Variants in MYO1D observed in about 807,000 individuals in gnomAD.
MYO1D encodes myosin ID.
A neutral mutation model predicts 122.0 loss-of-function variants in MYO1D; 83 were observed. The ratio of observed to expected loss-of-function variants is 0.68; its 90% confidence interval spans 0.57 to 0.82. The LOEUF (loss-of-function observed/expected upper bound fraction) is 0.82. MYO1D is among the 40% of genes least tolerant of loss of function. MYO1D has a pLI of 0.00. For synonymous variants in MYO1D, 464 were observed against 446.9 expected, an observed-to-expected ratio of 1.04 and a Z score of -0.48; for missense variants, 1,157 against 1,269.5, an observed-to-expected ratio of 0.91 and a Z score of 1.35.
chr17:32,749,907 A>C (rs2151009912), intron 11 of MYO1D, among the ~76,000 whole-genome samples: 1 of 152,340 alleles, frequency 6.6e-6, no homozygotes, highest in Non-Finnish European at 1.5e-5. Flanking sequence ...TTCAATGCTG[A>C]CATATAAGGT....
intron 1 of MYO1D, among the ~76,000 whole-genome samples, chr17:32,833,626 T>C (rs1232563099): frequency 6.6e-6 from 1 of 152,222 alleles, no homozygotes; most frequent in Admixed American, 6.5e-5. Context: ...CTTCCTGGCC[T>C]TACTGGCCTT....
chr17:32,812,588 C>T (rs550437874), intron 1 of MYO1D, among the ~76,000 whole-genome samples: 1 of 152,056 alleles, frequency 6.6e-6, no homozygotes, highest in Non-Finnish European at 1.5e-5. Context: ...GAGTAATAAG[C>T]CTTCCAAGTG....
At chr17:32,507,483 C>T (rs1233306831) in intron 21 of MYO1D, among the ~76,000 whole-genome samples, 1 of 152,170 alleles carries the variant, frequency 6.6e-6, no homozygotes, top group Non-Finnish European at 1.5e-5. Context: ...AACACACATT[C>T]TTCTAAAGTA....
At chr17:32,761,287 C>T (rs1402216474) in intron 8 of MYO1D, among the ~76,000 whole-genome samples, 1 of 152,188 alleles carries the variant, frequency 6.6e-6, no homozygotes, top group African/African-American at 2.4e-5. Context: ...ATTACCTCCC[C>T]TTTACTCTTC....
At chr17:32,739,055 T>C (rs1458673827) in intron 13 of MYO1D, among the ~76,000 whole-genome samples, 2 of 152,172 alleles carry the variant, frequency 1.3e-5, no homozygotes, top group Non-Finnish European at 2.9e-5. Context: ...AGGTTAAAAT[T>C]GTATATTCAT....
Position 32,742,426 on chromosome 17 carries a change from T to C in MYO1D, c.1613+2785A>G, listed in dbSNP as rs115308860. Among the ~76,000 whole-genome samples the C allele has an allele frequency of 3.6e-3, 555 of 152,326 alleles. 3 individuals carry two copies. The highest frequency in any genetic ancestry group is 0.012 in the African/African-American group (518 of 41,564). ...CCTGGAGAGCCTGGGCTATATTAGT[T>C]CACCACTGAAAGGTGAAGCTGTTCT... On this transcript the variant is annotated intron_variant, in intron 13 of 21. Coordinates refer to ENST00000318217, the MANE Select transcript of MYO1D (RefSeq NM_015194.3).
At chr17:32,700,943 C>CAA (rs751113475) in intron 16 of MYO1D, among the ~76,000 whole-genome samples, 1,559 of 78,100 alleles carry the variant, frequency 0.02, 13 homozygotes, top group Middle Eastern at 0.057. Context: ...GACTCCATCT[C>CAA]AAAAAAAAAA....
chr17:32,680,989 TG>T (rs1405433096), intron 16 of MYO1D, among the ~76,000 whole-genome samples: 1 of 152,176 alleles, frequency 6.6e-6, no homozygotes, highest in Non-Finnish European at 1.5e-5. Context: ...GGAGAGTGTA[TG>T]TGTCGAGGAA....
intron 1 of MYO1D, among the ~76,000 whole-genome samples, chr17:32,782,157 T>C (rs369461421): frequency 5.3e-5 from 8 of 152,302 alleles, no homozygotes; most frequent in African/African-American, 1.9e-4. Flanking sequence ...TTGGCTATAA[T>C]TAGGAATGGA....
intron 1 of MYO1D, among the ~76,000 whole-genome samples, chr17:32,809,159 C>T (rs958204649): frequency 6.7e-6 from 1 of 149,964 alleles, no homozygotes; most frequent in Non-Finnish European, 1.5e-5. Flanking sequence ...AAACTGTCAC[C>T]CATCCTGGAG....
At chr17:32,784,704 A>G (rs2151032011) in intron 1 of MYO1D, among the ~76,000 whole-genome samples, 1 of 152,280 alleles carries the variant, frequency 6.6e-6, no homozygotes, top group South Asian at 2.1e-4. Flanking sequence ...TAGCCTTGTT[A>G]ATTTGCATGT....
chr17:32,775,285 AGTG>A (rs2090161261), intron 4 of MYO1D, among the ~76,000 whole-genome samples: 1 of 112,482 alleles, frequency 8.9e-6, no homozygotes, highest in Non-Finnish European at 2.3e-5. Context: ...TGGATGACAG[AGTG>A]AGACTCTGTC....
chr17:32,668,741 G>A (rs900974485), intron 16 of MYO1D, among the ~76,000 whole-genome samples: 3 of 148,322 alleles, frequency 2.0e-5, no homozygotes, highest in Non-Finnish European at 4.4e-5. Context: ...TCACTCTGTC[G>A]CCCAGGCTGG....
intron 16 of MYO1D, among the ~76,000 whole-genome samples, chr17:32,687,377 TC>T (rs1598009283): frequency 6.6e-6 from 1 of 152,078 alleles, no homozygotes. Flanking sequence ...TTTGTATTTT[TC>T]AGTGGAGACA....
intron 3 of MYO1D, among the ~76,000 whole-genome samples, chr17:32,776,520 A>G (rs990412793): frequency 5.9e-5 from 9 of 152,180 alleles, no homozygotes; most frequent in African/African-American, 2.2e-4. Context: ...TAATTCTGTA[A>G]TTTTTGTTTT....
intron 16 of MYO1D, among the ~76,000 whole-genome samples, chr17:32,693,788 C>CAA (rs1203164987): frequency 2.0e-5 from 3 of 152,038 alleles, no homozygotes; most frequent in Non-Finnish European, 2.9e-5. Context: ...AAATAAGAAA[C>CAA]AAATTATTTT....
At chr17:32,764,590 G>A (rs555758451) in intron 8 of MYO1D, among the ~76,000 whole-genome samples, 3 of 152,220 alleles carry the variant, frequency 2.0e-5, no homozygotes, top group South Asian at 4.2e-4. Context: ...ATGGATCAGA[G>A]CTCAGTCAGT....
chr17:32,625,113 A>G (rs1692394380), intron 20 of MYO1D, among the ~76,000 whole-genome samples: 1 of 152,138 alleles, frequency 6.6e-6, no homozygotes, highest in South Asian at 2.1e-4. Context: ...CTAATGGACC[A>G]TACCTTCGGA....
In MYO1D at chr17:32,780,674, C is replaced by T. The variant is rs1222135213; in HGVS notation, c.206G>A (p.Arg69His). The change falls in exon 2 of 22, where the codon CGT becomes CAT. Residue 69 changes from arginine (R) to histidine (H), a missense_variant. Physicochemically the swap from Arg to His is conservative, Grantham distance 29 (BLOSUM62 0). Coordinates refer to ENST00000318217, the MANE Select transcript of MYO1D (RefSeq NM_015194.3). Reference protein sequence around the residue: ...GRDTIEQYKGRELYERPPHLF... With the variant: ...GRDTIEQYKGHELYERPPHLF... ...GTGAGGCGGTCTCTCATACAGCTCA[C>T]GGCCTTTATACTGCTCAATTGTGTC... 4 of 1,614,142 alleles carry T rather than the reference C, an allele frequency of 2.5e-6. No individual in the cohort carries two copies. The highest frequency in any genetic ancestry group is 1.1e-5 in the South Asian group (1 of 91,078).
Sources: allele counts gnomAD v4.1 joint callset (sites outside exome capture counted in the v4.1 genomes callset), GRCh38; gene constraint gnomAD v4.1.1; transcripts MANE v1.5; gene names NCBI Gene and HGNC (gene_info 2026-07-23, HGNC 2026-07-21).